The following PKN2 variants were observed in gnomAD, a reference collection of about 807,000 sequenced individuals.
The protein encoded by PKN2 is protein kinase N2, also known as serine/threonine-protein kinase N2.
In PKN2, 38 loss-of-function variants were observed where a neutral mutation model predicts 119.1. That is an observed-to-expected ratio of 0.32 (90% CI 0.25 to 0.42). The LOEUF is 0.42. Ranked by LOEUF, PKN2 falls within the 10% of genes least tolerant of loss-of-function variation. The pLI is 1.00. For synonymous variants in PKN2, 390 were observed against 384.9 expected (o/e 1.01, Z -0.15); for missense variants, 850 against 1,165.1 (o/e 0.73, Z 3.94).
chr1:88,784,500 C>G (rs1670487748), intron 6 of PKN2, 139 bp from the exon 7 acceptor site: 2 of 430,108 alleles, frequency 4.6e-6, no homozygotes, highest in Non-Finnish European at 8.1e-6. Flanking sequence ...AAGATGATAG[C>G]TACCTCATAG....
In PKN2 at chr1:88,833,510, T is replaced by G. The variant is rs1672817227; in HGVS notation, c.*62T>G. ...AAGACCTCTTAAAAATAGCAACCCT[T>G]CATTTGCTCTCTGTGCCACCAATAG... On this transcript the variant is annotated 3_prime_UTR_variant, in exon 22 of 22. Transcript: ENST00000370521. 1.6e-6 allele frequency: 2 copies of G among 1,259,204 alleles called. No individual in the cohort carries two copies. The highest frequency in any genetic ancestry group is 3.0e-5 in the African/African-American group (2 of 67,604). 78.0% of individuals were successfully genotyped at this position (1,259,204 alleles called of 1,614,324 possible).
At chr1:88,709,153 A>G (rs1415165642) in intron 1 of PKN2, among the ~76,000 whole-genome samples, 1 of 151,918 alleles carries the variant, frequency 6.6e-6, no homozygotes, top group Non-Finnish European at 1.5e-5. Flanking sequence ...TCCCGGGTAC[A>G]AGTGATTCTC....
At chr1:88,764,815 C>T (rs1198460819) in intron 3 of PKN2, among the ~76,000 whole-genome samples, 1 of 152,104 alleles carries the variant, frequency 6.6e-6, no homozygotes, top group Non-Finnish European at 1.5e-5. Flanking sequence ...CTTTAAGCAG[C>T]ATCATTGGTT....
At chr1:88,782,038 T>C (rs1670367698) in intron 6 of PKN2, among the ~76,000 whole-genome samples, 1 of 152,142 alleles carries the variant, frequency 6.6e-6, no homozygotes, top group South Asian at 2.1e-4. Context: ...ATGATTTTTT[T>C]AGTAAATGTA....
intron 1 of PKN2, among the ~76,000 whole-genome samples, chr1:88,716,569 A>T (rs1458991821): frequency 6.6e-6 from 1 of 151,646 alleles, no homozygotes; most frequent in Non-Finnish European, 1.5e-5. Flanking sequence ...GTCTCTTTTG[A>T]TCTTTGTTGG....
chr1:88,754,504 T>G (rs909775070), intron 2 of PKN2, among the ~76,000 whole-genome samples: 19 of 152,206 alleles, frequency 1.2e-4, no homozygotes, highest in African/African-American at 4.3e-4. Flanking sequence ...TAGGGAAGGT[T>G]TTCTGGAGAA....
chr1:88,759,761 A>ATC (rs2100779835), intron 2 of PKN2, among the ~76,000 whole-genome samples: 1 of 152,280 alleles, frequency 6.6e-6, no homozygotes, highest in East Asian at 1.9e-4. Context: ...AAACTAGAAA[A>ATC]TCTAGAAGAA....
chr1:88,809,285 A>G (rs961997051), intron 15 of PKN2, among the ~76,000 whole-genome samples: 7 of 152,172 alleles, frequency 4.6e-5, no homozygotes, highest in Admixed American at 3.3e-4. Flanking sequence ...TTTATGTTAT[A>G]CAAGCAGATA....
chr1:88,784,390 G>A (rs113932336), intron 6 of PKN2, among the ~76,000 whole-genome samples: 2,506 of 152,074 alleles, frequency 0.016, 46 homozygotes, highest in South Asian at 0.067. Flanking sequence ...GATTACAGGC[G>A]AGAGAGCTAC....
intron 2 of PKN2, among the ~76,000 whole-genome samples, chr1:88,745,652 T>C (rs1223866688): frequency 6.6e-6 from 1 of 152,166 alleles, no homozygotes; most frequent in Non-Finnish European, 1.5e-5. Context: ...ATTGTTAAAA[T>C]GTCCATACTA....
intron 6 of PKN2, among the ~76,000 whole-genome samples, chr1:88,772,774 A>G (rs1367761889): frequency 6.6e-6 from 1 of 152,162 alleles, no homozygotes; most frequent in Non-Finnish European, 1.5e-5. Flanking sequence ...CATTTACATT[A>G]TTTTATACTT....
chr1:88,790,364 G>T (rs780712552), intron 8 of PKN2, among the ~76,000 whole-genome samples: 6 of 152,156 alleles, frequency 3.9e-5, no homozygotes, highest in African/African-American at 1.2e-4. Context: ...CATACTTGGA[G>T]TATAGAATTC....
chr1:88,803,397 T>C (rs749081285), intron 8 of PKN2, among the ~76,000 whole-genome samples: 87 of 152,364 alleles, frequency 5.7e-4, no homozygotes, highest in Middle Eastern at 3.4e-3. Flanking sequence ...AAATTTGTTA[T>C]ATAAAATAAG....
intron 16 of PKN2, among the ~76,000 whole-genome samples, chr1:88,820,214 ATATATATATATATATAT>A (rs1672203982): frequency 5.2e-5 from 6 of 115,106 alleles, no homozygotes; most frequent in Admixed American, 1.8e-4. Context: ...ATATATATAT[ATATATATATATATATAT>A]ATAAATAGAA....
chr1:88,696,077 A>G (rs1229545975), intron 1 of PKN2, among the ~76,000 whole-genome samples: 1 of 152,190 alleles, frequency 6.6e-6, no homozygotes, highest in Non-Finnish European at 1.5e-5. Context: ...TTAAGCTTTG[A>G]GGACCCTGCA....
At chr1:88,714,382 A>G (rs892989423) in intron 1 of PKN2, among the ~76,000 whole-genome samples, 10 of 152,112 alleles carry the variant, frequency 6.6e-5, no homozygotes, top group African/African-American at 2.4e-4. Flanking sequence ...CAGTGTGGCC[A>G]TTTTCACGAT....
chr1:88,750,957 T>C (rs993551013), intron 2 of PKN2, among the ~76,000 whole-genome samples: 4 of 152,180 alleles, frequency 2.6e-5, no homozygotes, highest in Non-Finnish European at 5.9e-5. Flanking sequence ...TTTTTTTAAA[T>C]CTAGAATTCA....
At chr1:88,717,529 C>G (rs547941712) in intron 1 of PKN2, among the ~76,000 whole-genome samples, 3 of 151,998 alleles carry the variant, frequency 2.0e-5, no homozygotes, top group African/African-American at 7.2e-5. Context: ...TCTCTTGTTT[C>G]ATTTCATTCA....
At chr1:88,746,809 A>T (rs943884619) in intron 2 of PKN2, among the ~76,000 whole-genome samples, 1 of 152,180 alleles carries the variant, frequency 6.6e-6, no homozygotes, top group Non-Finnish European at 1.5e-5. Context: ...CTGCACTCCT[A>T]TGTTCATTCC....
Sources: allele counts gnomAD v4.1 joint callset (sites outside exome capture counted in the v4.1 genomes callset), GRCh38; gene constraint gnomAD v4.1.1; transcripts MANE v1.5; gene names NCBI Gene and HGNC (gene_info 2026-07-23, HGNC 2026-07-21).